Variants in DOCK9 observed in about 807,000 individuals in gnomAD.
DOCK9 encodes the protein dedicator of cytokinesis 9.
DOCK9 carries 89 observed loss-of-function variants against 263.3 expected under a neutral mutation model. That is an observed-to-expected ratio of 0.34 (90% CI 0.28 to 0.40). The LOEUF is 0.40. Among genes scored for constraint, DOCK9 ranks in the 10% least tolerant of loss-of-function variants. DOCK9 has a pLI of 1.00. For missense variants in DOCK9, 2,140 were observed against 2,603.4 expected (o/e 0.82, Z 3.87); for synonymous variants, 976 against 973.1 (o/e 1.00, Z -0.06).
At chr13:99,068,245 G>A (rs769720245) in intron 1 of DOCK9, among the ~76,000 whole-genome samples, 1 of 152,292 alleles carries the variant, frequency 6.6e-6, no homozygotes, top group African/African-American at 2.4e-5. Context: ...AGGAATCTCC[G>A]CCTCTCTGAG....
chr13:98,916,198 T>C (rs112869933), intron 7 of DOCK9, among the ~76,000 whole-genome samples: 2 of 152,334 alleles, frequency 1.3e-5, no homozygotes, highest in African/African-American at 4.8e-5. Context: ...TACTGACACT[T>C]GGGCAGCCAA....
At chr13:98,803,442 A>G (rs958785051) in intron 49 of DOCK9, among the ~76,000 whole-genome samples, 1 of 152,252 alleles carries the variant, frequency 6.6e-6, no homozygotes, top group Non-Finnish European at 1.5e-5. Flanking sequence ...ATGCACCAGG[A>G]TAACCGGGAG....
At chr13:99,081,758 C>A (rs1026774583) in intron 1 of DOCK9, among the ~76,000 whole-genome samples, 6 of 152,212 alleles carry the variant, frequency 3.9e-5, no homozygotes, top group Non-Finnish European at 7.3e-5. Context: ...CAACCCTGCT[C>A]AGGGAATTCT....
rs150705186 is a variant in DOCK9 at position 98,964,072 on chromosome 13, G to C, written c.127-8521C>G. Among the ~76,000 whole-genome samples the C allele has an allele frequency of 9.8e-3, 1,497 of 152,310 alleles. 30 individuals carry two copies. The highest frequency in any genetic ancestry group is 0.035 in the African/African-American group (1,438 of 41,546). On this transcript the variant is annotated intron_variant, in intron 1 of 52. Coordinates refer to ENST00000682017, the MANE Select transcript of DOCK9 (RefSeq NM_001366683.2). ...TCTCTCCACAGGTATTTACTGAGCTGGTTCACATGCACTGTGCCAGAGACA... is the reference window on the plus strand; with the variant it reads ...TCTCTCCACAGGTATTTACTGAGCTCGTTCACATGCACTGTGCCAGAGACA...
chr13:98,995,174 G>A (rs557134402), intron 1 of DOCK9, among the ~76,000 whole-genome samples: 2 of 152,206 alleles, frequency 1.3e-5, no homozygotes, highest in Non-Finnish European at 2.9e-5. Flanking sequence ...CGTTCCCGAG[G>A]AAATCTTTGT....
chr13:98,995,738 T>G (rs1381242774), intron 1 of DOCK9, among the ~76,000 whole-genome samples: 1 of 152,094 alleles, frequency 6.6e-6, no homozygotes, highest in African/African-American at 2.4e-5. Flanking sequence ...TCCGCCCGTC[T>G]AGGCCTCCCA....
intron 45 of DOCK9, among the ~76,000 whole-genome samples, chr13:98,823,766 T>G (rs1020683806): frequency 2.1e-4 from 32 of 152,212 alleles, no homozygotes; most frequent in African/African-American, 7.2e-4. Flanking sequence ...CAGTTACAGA[T>G]AAGTGGCTGC....
chr13:99,088,017 A>T (rs1234575779), upstream of DOCK9: 1 of 152,234 alleles, frequency 6.6e-6, no homozygotes, highest in East Asian at 1.9e-4. Flanking sequence ...GCGTAATCTT[A>T]AAGTGGTAGG....
intron 1 of DOCK9, among the ~76,000 whole-genome samples, chr13:99,030,780 C>T (rs898595095): frequency 6.6e-5 from 10 of 152,086 alleles, no homozygotes; most frequent in African/African-American, 2.4e-5. Context: ...ACTTTGAAAA[C>T]GAATGTGACT....
chr13:99,023,511 G>C (rs1886357545), intron 1 of DOCK9, among the ~76,000 whole-genome samples: 1 of 152,228 alleles, frequency 6.6e-6, no homozygotes. Context: ...AATGGGGTCA[G>C]ATTTACAGTT....
At chr13:99,009,000 A>G (rs776686585) in intron 1 of DOCK9, among the ~76,000 whole-genome samples, 2 of 152,240 alleles carry the variant, frequency 1.3e-5, no homozygotes, top group Non-Finnish European at 2.9e-5. Context: ...TTTGTGAATG[A>G]TATCTGGAAA....
At chr13:98,807,632 C>T (rs753371023) in intron 48 of DOCK9, 29 bp downstream of exon 48, 1 of 1,569,206 alleles carries the variant, frequency 6.4e-7, no homozygotes, top group Non-Finnish European at 8.7e-7. Context: ...CATTACATTG[C>T]TATGAAACTT....
chr13:98,859,201 G>C (rs1304542602), intron 33 of DOCK9: 1 of 152,250 alleles, frequency 6.6e-6, no homozygotes, highest in Non-Finnish European at 1.5e-5. Flanking sequence ...ATGGGGCAAA[G>C]CAGGGCAGAG....
chr13:98,962,631 A>C, intron 1 of DOCK9, among the ~76,000 whole-genome samples: 1 of 147,922 alleles, frequency 6.8e-6, no homozygotes, highest in East Asian at 1.9e-4. Context: ...CTTGCATGAT[A>C]GGTTTTAAAA....
At position 98,863,491 on chromosome 13, in the gene DOCK9, C is replaced by G; in HGVS notation, c.3344G>C (p.Gly1115Ala). The G allele has an allele frequency of 6.2e-7, 1 of 1,613,904 alleles. No homozygotes were observed. The highest frequency in any genetic ancestry group is 8.5e-7 in the Non-Finnish European group (1 of 1,179,862). ...TGTCCCCACCTCCCTCAGTAACAGT[C>G]CCACCAAGAAGTGGTTTCTGCAGAA... ...DEFCRNHFLV[G>A]LLLREVGTAL... is the part of the protein sequence containing the mutation. Residue 1115 changes from glycine to alanine, a missense_variant, in exon 31 of 53, where the codon GGA becomes GCA. This residue lies in a region of DOCK9 where 1,521 missense variants were observed against 1,741.7 expected (regional missense o/e 0.87). Coordinates refer to ENST00000682017, the MANE Select transcript of DOCK9 (RefSeq NM_001366683.2).
At chr13:98,827,816 A>G (rs553563368) in intron 43 of DOCK9, among the ~76,000 whole-genome samples, 1 of 152,276 alleles carries the variant, frequency 6.6e-6, no homozygotes, top group South Asian at 2.1e-4. Flanking sequence ...ACACACACAA[A>G]ACCAGACACG....
intron 1 of DOCK9, among the ~76,000 whole-genome samples, chr13:99,050,623 G>T (rs1233051433): frequency 6.6e-6 from 1 of 152,158 alleles, no homozygotes; most frequent in African/African-American, 2.4e-5. Context: ...AATGCTGGAG[G>T]GGGAGGTTGC....
intron 35 of DOCK9, among the ~76,000 whole-genome samples, chr13:98,851,109 G>A (rs890497703): frequency 3.9e-5 from 6 of 152,174 alleles, no homozygotes; most frequent in African/African-American, 9.7e-5. Flanking sequence ...ACTGTACTAC[G>A]TGCTCTCACA....
intron 27 of DOCK9, among the ~76,000 whole-genome samples, chr13:98,877,065 T>C (rs1242838411): frequency 6.6e-6 from 1 of 152,186 alleles, no homozygotes; most frequent in Non-Finnish European, 1.5e-5. Flanking sequence ...TGTGTTAAGT[T>C]CCAAAAACAA....
Sources: gnomAD v4.1 joint callset for allele counts (sites outside exome capture counted in the v4.1 genomes callset) on GRCh38, gnomAD v4.1.1 for gene constraint, gnomAD v4.1.1 regional missense constraint, MANE v1.5 for transcripts, NCBI Gene and HGNC (gene_info 2026-07-23, HGNC 2026-07-21) for gene names.